HDAC9: variants seen among roughly 807,000 people sequenced by gnomAD.
HDAC9 encodes histone deacetylase 9.
In HDAC9, 41 loss-of-function variants were observed where a neutral mutation model predicts 139.4. The observed-to-expected ratio is 0.29, with a 90% confidence interval of 0.23 to 0.38. The LOEUF (loss-of-function observed/expected upper bound fraction) is 0.38. Among genes scored for constraint, HDAC9 ranks in the 10% least tolerant of loss-of-function variants. The pLI is 1.00. For synonymous variants in HDAC9, 517 were observed against 476.2 expected (o/e 1.09, Z -1.12); for missense variants, 1,147 against 1,297.0 (o/e 0.88, Z 1.78).
intron 1 of HDAC9, among the ~76,000 whole-genome samples, chr7:18,471,365 C>T (rs1794708807): frequency 6.6e-6 from 1 of 152,164 alleles, no homozygotes; most frequent in Non-Finnish European, 1.5e-5. Flanking sequence ...TCTGCTTTTA[C>T]ACAATACCTT....
At chr7:18,709,588 C>A (rs1404459785) in intron 12 of HDAC9, among the ~76,000 whole-genome samples, 1 of 152,140 alleles carries the variant, frequency 6.6e-6, no homozygotes, top group African/African-American at 2.4e-5. Flanking sequence ...AATATTATAG[C>A]TTAATTCACT....
intron 2 of HDAC9, among the ~76,000 whole-genome samples, chr7:18,244,029 G>A (rs1794360660): frequency 1.3e-5 from 2 of 152,180 alleles, no homozygotes; most frequent in Admixed American, 6.5e-5. Flanking sequence ...CCCATGGAGG[G>A]GAATAGACTG....
intron 2 of HDAC9, among the ~76,000 whole-genome samples, chr7:18,237,147 T>C (rs575319924): frequency 1.3e-5 from 2 of 152,292 alleles, no homozygotes; most frequent in East Asian, 1.9e-4. Flanking sequence ...GCTTACACTG[T>C]TGTTGGTTGG....
chr7:18,111,433 G>A (rs1783613129), intron 1 of HDAC9, among the ~76,000 whole-genome samples: 1 of 152,152 alleles, frequency 6.6e-6, no homozygotes, highest in Admixed American at 6.6e-5. Flanking sequence ...AATGAAGCTG[G>A]AAAAGAGTGG....
chr7:18,995,813 G>A (rs1210743315), intron 25 of HDAC9, among the ~76,000 whole-genome samples: 2 of 152,074 alleles, frequency 1.3e-5, no homozygotes, highest in Non-Finnish European at 2.9e-5. Context: ...AATATAAACA[G>A]GAACATTTCC....
chr7:18,511,564 C>G (rs1801502005), intron 2 of HDAC9, among the ~76,000 whole-genome samples: 1 of 151,968 alleles, frequency 6.6e-6, no homozygotes, highest in South Asian at 2.1e-4. Flanking sequence ...CCATTGCACT[C>G]CAGCCTGGGC....
intron 21 of HDAC9, among the ~76,000 whole-genome samples, chr7:18,870,292 C>T (rs1798815501): frequency 6.6e-6 from 1 of 152,174 alleles, no homozygotes; most frequent in African/African-American, 2.4e-5. Flanking sequence ...CCTCAATCTC[C>T]TCCAATCTGT....
intron 2 of HDAC9, chr7:18,162,444 CT>C (rs530299353): frequency 0.093 from 79,832 of 854,634 alleles, 1 homozygote; most frequent in South Asian, 0.14. Flanking sequence ...TATGAAGGAA[CT>C]TTTTTTTTTT....
intron 21 of HDAC9, among the ~76,000 whole-genome samples, chr7:18,873,072 G>T (rs1799054126): frequency 6.6e-6 from 1 of 151,964 alleles, no homozygotes; most frequent in East Asian, 1.9e-4. Flanking sequence ...ATTTCACTCA[G>T]GAAAAATAGT....
At chr7:18,182,258 C>G (rs1006520489) in intron 2 of HDAC9, among the ~76,000 whole-genome samples, 1 of 152,124 alleles carries the variant, frequency 6.6e-6, no homozygotes, top group Non-Finnish European at 1.5e-5. Flanking sequence ...TTTTATTTGA[C>G]AGGTAATAGG....
intron 2 of HDAC9, among the ~76,000 whole-genome samples, chr7:18,261,178 C>T (rs1321855082): frequency 6.6e-6 from 1 of 151,876 alleles, no homozygotes; most frequent in Non-Finnish European, 1.5e-5. Flanking sequence ...CATGGTGATG[C>T]AGGCCTATAG....
intron 2 of HDAC9, among the ~76,000 whole-genome samples, chr7:18,268,707 T>G (rs1796156437): frequency 6.6e-6 from 1 of 152,180 alleles, no homozygotes; most frequent in Non-Finnish European, 1.5e-5. Flanking sequence ...TTGCCCTTGT[T>G]TATTTTCCAA....
At chr7:18,761,031 C>T (rs1367055973) in intron 14 of HDAC9, among the ~76,000 whole-genome samples, 2 of 152,210 alleles carry the variant, frequency 1.3e-5, no homozygotes, top group Non-Finnish European at 2.9e-5. Context: ...ACAGATTCTC[C>T]TTGAATTTCA....
chr7:18,426,477 C>T (rs1020057620), intron 1 of HDAC9, among the ~76,000 whole-genome samples: 11 of 152,192 alleles, frequency 7.2e-5, no homozygotes, highest in African/African-American at 7.2e-5. Flanking sequence ...ATTGAATTGG[C>T]GCAAATTATT....
At chr7:18,743,752 C>T (rs923362735) in intron 13 of HDAC9, among the ~76,000 whole-genome samples, 1 of 151,206 alleles carries the variant, frequency 6.6e-6, no homozygotes, top group Non-Finnish European at 1.5e-5. Flanking sequence ...AATAAGACAC[C>T]GTAAGTCTTA....
chr7:18,740,896 C>G (rs148647575), intron 13 of HDAC9, among the ~76,000 whole-genome samples: 2 of 152,290 alleles, frequency 1.3e-5, no homozygotes, highest in East Asian at 3.9e-4. Flanking sequence ...TTTTAGTGGT[C>G]TTGGTAGATC....
chr7:18,438,643 T>C (rs1042030034), intron 1 of HDAC9, among the ~76,000 whole-genome samples: 60 of 59,652 alleles, frequency 1.0e-3, no homozygotes, highest in African/African-American at 3.3e-3. Context: ...ATGCTGTGTG[T>C]GCGTGTGTGT....
intron 2 of HDAC9, among the ~76,000 whole-genome samples, chr7:18,249,282 T>C (rs1794760564): frequency 6.6e-6 from 1 of 151,768 alleles, no homozygotes; most frequent in Non-Finnish European, 1.5e-5. Context: ...GTGGGCAGAT[T>C]GCTTGAGGTC....
chr7:18,283,757 A>G (rs1420090112), intron 2 of HDAC9, among the ~76,000 whole-genome samples: 1 of 152,204 alleles, frequency 6.6e-6, no homozygotes. Context: ...CTTTTAGGTA[A>G]TCACCCTTAT....
Sources: gnomAD v4.1 joint callset for allele counts (sites outside exome capture counted in the v4.1 genomes callset) on GRCh38, gnomAD v4.1.1 for gene constraint, MANE v1.5 for transcripts, NCBI Gene and HGNC (gene_info 2026-07-23, HGNC 2026-07-21) for gene names.